Variants in SOX30 observed in about 807,000 individuals in gnomAD.
The protein encoded by SOX30 is SRY-box transcription factor 30, also known as transcription factor SOX-30.
Under a neutral mutation model 58.6 loss-of-function variants are expected in SOX30, and 17 were observed. The ratio of observed to expected loss-of-function variants is 0.29; its 90% confidence interval spans 0.20 to 0.44. SOX30 has a LOEUF of 0.44. SOX30 is among the 20% of genes least tolerant of loss of function. The pLI, the probability that SOX30 is intolerant of heterozygous loss-of-function variation, is 1.00. For missense variants in SOX30, 951 were observed against 965.8 expected (o/e 0.98, Z 0.20); for synonymous variants, 421 against 400.2 (o/e 1.05, Z -0.62).
At position 157,665,083 on chromosome 5, in the gene SOX30, C is replaced by T. The variant is rs1242931862; in HGVS notation, c.52+2715G>A. On this transcript the variant is annotated intron_variant, in intron 2 of 5. Coordinates refer to the SOX30 transcript ENST00000519442. ...GAACTAGAAATACCATTTGACCCAA[C>T]CATCCCATTACTGGGTATATACCCA... is the stretch of plus-strand genomic sequence containing the variant. Among the ~76,000 whole-genome samples the T allele has an allele frequency of 3.9e-5, 6 of 152,208 alleles. No individual in the cohort carries two copies. The East Asian group carries it at 9.6e-4, about 24-fold the overall frequency.
At chr5:157,643,605 C>A (rs1348043093) in intron 3 of SOX30, among the ~76,000 whole-genome samples, 1 of 151,988 alleles carries the variant, frequency 6.6e-6, no homozygotes, top group Non-Finnish European at 1.5e-5. Context: ...ATTATCTACA[C>A]CTGAAATGGT....
intron 3 of SOX30, among the ~76,000 whole-genome samples, chr5:157,640,693 G>A (rs1231838168): frequency 6.6e-6 from 1 of 152,134 alleles, no homozygotes; most frequent in Admixed American, 6.5e-5. Flanking sequence ...CTAGAATGAC[G>A]ATCTAGAATT....
intron 1 of SOX30, among the ~76,000 whole-genome samples, chr5:157,649,681 C>A (rs1728441632): frequency 6.6e-6 from 1 of 151,884 alleles, no homozygotes; most frequent in African/African-American, 2.4e-5. Context: ...TCCCAGCTAC[C>A]TAGGAGGCTG....
upstream of SOX30, among the ~76,000 whole-genome samples, chr5:157,653,539 T>C (rs1004455725): frequency 1.3e-5 from 2 of 152,240 alleles, no homozygotes; most frequent in Non-Finnish European, 2.9e-5. Context: ...CTTACTCTTA[T>C]GCTAGACACT....
chr5:157,670,046 C>T (rs1759749054), intron 1 of SOX30, among the ~76,000 whole-genome samples: 1 of 152,172 alleles, frequency 6.6e-6, no homozygotes, highest in African/African-American at 2.4e-5. Context: ...AGCCTAAATG[C>T]TAAGGGATGT....
chr5:157,648,524 TTAGTC>T (rs1759250493), intron 2 of SOX30, 128 bp downstream of exon 2: 1 of 770,108 alleles, frequency 1.3e-6, no homozygotes, highest in Admixed American at 2.5e-5. Flanking sequence ...TGTTATAATA[TTAGTC>T]ATTATTCTCT....
intron 2 of SOX30, among the ~76,000 whole-genome samples, chr5:157,661,434 G>C (rs1251297722): frequency 6.6e-6 from 1 of 152,142 alleles, no homozygotes; most frequent in Non-Finnish European, 1.5e-5. Flanking sequence ...TCCAGAAAAG[G>C]CTATATAGTA....
rs183520301 is a variant in SOX30, at chr5:157,658,551, G to A, written c.52+9247C>T. Among the ~76,000 whole-genome samples, 688 of 152,232 alleles carry A rather than the reference G, an allele frequency of 4.5e-3. 3 individuals are homozygous for A. The highest frequency in any genetic ancestry group is 7.9e-3 in the Non-Finnish European group (537 of 68,012). On this transcript the variant is annotated intron_variant, in intron 2 of 5. Transcript: ENST00000519442. ...CAGATATCACCTTTTGTCAAAACTC[G>A]GAGTTATGAATTGCCCTCGCCATAC...
At chr5:157,646,068 T>A (rs1039840841) in intron 3 of SOX30, among the ~76,000 whole-genome samples, 1 of 151,754 alleles carries the variant, frequency 6.6e-6, no homozygotes. Flanking sequence ...TGGATAGCCC[T>A]ATAACAAGTT....
At chr5:157,652,480 C>A (rs1395122059), upstream of SOX30, 5 of 708,310 alleles carry the variant, frequency 7.1e-6, no homozygotes, top group Non-Finnish European at 8.7e-6. Flanking sequence ...CCGCTGACAT[C>A]CAGGGAATGA....
chr5:157,642,328 AAAG>A (rs1216938528), intron 3 of SOX30, among the ~76,000 whole-genome samples: 2 of 151,994 alleles, frequency 1.3e-5, no homozygotes, highest in East Asian at 3.9e-4. Flanking sequence ...AAAAAAAAAA[AAAG>A]AAGAAGCTTG....
chr5:157,638,621 C>G lies in SOX30; in HGVS notation c.1489G>C (p.Val497Leu), dbSNP rs1758990018. Residue 497 changes from valine to leucine, a missense_variant, in exon 4 of 5, where the codon GTC becomes CTC. By Grantham distance (32) the Val-to-Leu change is conservative (BLOSUM62 1). This residue lies in a region of SOX30 where 381 missense variants were observed against 390.0 expected (regional missense o/e 0.98). Coordinates refer to ENST00000265007, the MANE Select transcript of SOX30 (RefSeq NM_178424.2). The part of the protein sequence containing the change: ...PSVSSAAQVA[V>L]QDPSLPVYPA... ...TAGACAGGTAGACTTGGATCCTGGA[C>G]AGCCACCTGAGCAGCACTGGAGACG... is the stretch of plus-strand genomic sequence containing the variant. 1 of 1,614,144 alleles carries G rather than the reference C, an allele frequency of 6.2e-7. No individual in the cohort carries two copies. Among genetic ancestry groups the G allele is most frequent in the South Asian group, 1.1e-5 (1 of 91,078 alleles).
chr5:157,630,918 CTATATTA>C (rs954074695), intron 4 of SOX30, among the ~76,000 whole-genome samples: 5 of 121,674 alleles, frequency 4.1e-5, no homozygotes, highest in East Asian at 2.1e-4. Context: ...TATATAATAT[CTATATTA>C]TATATTATAT....
chr5:157,631,565 A>G (rs1026251982), intron 4 of SOX30, among the ~76,000 whole-genome samples: 1 of 152,010 alleles, frequency 6.6e-6, no homozygotes, highest in African/African-American at 2.4e-5. Flanking sequence ...GTTTGAGACC[A>G]CCCTGGTCAA....
At position 157,646,799 on chromosome 5, in the gene SOX30, G is replaced by A; in HGVS notation, c.1225C>T (p.Arg409Cys). ...GGGAATCGTTTTCGCTTCCCTGGAC[G>A]AGGCTGATAAACCCAACCTATAGAA... ...EEFPGWVYQP[R>C]PGKRKRFPLS... Residue 409 changes from arginine (R) to cysteine (C), a missense_variant, in exon 3 of 5, where the codon CGT (arginine) becomes TGT (cysteine). Around this residue, in one of 7 missense-constraint regions of SOX30, gnomAD observed 57 missense variants for 104.0 expected, o/e 0.55. Coordinates refer to ENST00000265007, the MANE Select transcript of SOX30 (RefSeq NM_178424.2). 3 of 1,613,772 alleles carry A rather than the reference G, an allele frequency of 1.9e-6. No homozygotes were observed. Among genetic ancestry groups the A allele is most frequent in the Non-Finnish European group, 2.5e-6 (3 of 1,179,812 alleles).
intron 3 of SOX30, among the ~76,000 whole-genome samples, chr5:157,642,136 C>T (rs190814654): frequency 2.5e-4 from 38 of 151,856 alleles, no homozygotes; most frequent in Admixed American, 1.6e-3. Flanking sequence ...GCCAATGTTG[C>T]GAAACCCCGT....
rs183142374 is a variant in SOX30 at position 157,647,567 on chromosome 5, T to C, written c.1208-751A>G. On this transcript the variant is annotated intron_variant, in intron 2 of 4. Coordinates refer to ENST00000265007, the MANE Select transcript of SOX30 (RefSeq NM_178424.2). The stretch of plus-strand genomic sequence containing the variant: ...TAGTCACTAATGATCAGTCACTATT[T>C]TTTTTGAGACAGAGTCTCACTCTGC... 7.2e-5 allele frequency among the ~76,000 whole-genome samples: 11 copies of C among 152,042 alleles called. No homozygotes were observed. The East Asian group carries it at 2.1e-3, about 30-fold the overall frequency.
intron 4 of SOX30, among the ~76,000 whole-genome samples, chr5:157,631,051 A>ATATATATATATATACAATATATATATTT (rs1758789997): frequency 3.4e-4 from 14 of 40,700 alleles, no homozygotes; most frequent in African/African-American, 1.0e-3. Context: ...TATATTTTAT[A>ATATATATATATATACAATATATATATTT]TATATATATA....
chr5:157,668,044 G>T (rs1160474850), intron 1 of SOX30, among the ~76,000 whole-genome samples: 2 of 152,176 alleles, frequency 1.3e-5, no homozygotes, highest in Non-Finnish European at 2.9e-5. Flanking sequence ...GATGCACAGG[G>T]CGTGCTCTTC....
Sources: gnomAD v4.1 joint callset for allele counts (sites outside exome capture counted in the v4.1 genomes callset) on GRCh38, gnomAD v4.1.1 for gene constraint, gnomAD v4.1.1 regional missense constraint, MANE v1.5 for transcripts, NCBI Gene and HGNC (gene_info 2026-07-23, HGNC 2026-07-21) for gene names.